Variants in PLEKHA7 observed in about 807,000 individuals in gnomAD.
PLEKHA7 encodes pleckstrin homology domain-containing family A member 7.
A neutral mutation model predicts 170.0 loss-of-function variants in PLEKHA7; 104 were observed. The observed-to-expected ratio is 0.61, with a 90% CI of 0.52 to 0.72. The LOEUF (loss-of-function observed/expected upper bound fraction) is 0.72. Ranked by LOEUF, PLEKHA7 falls within the 30% of genes least tolerant of loss-of-function variation. PLEKHA7 has a pLI of 0.00. For synonymous variants in PLEKHA7, 648 were observed against 660.8 expected (o/e 0.98, Z 0.30); for missense variants, 1,615 against 1,671.7 (o/e 0.97, Z 0.59).
At chr11:16,867,593 T>A (rs561615561) in intron 4 of PLEKHA7, among the ~76,000 whole-genome samples, 1 of 152,308 alleles carries the variant, frequency 6.6e-6, no homozygotes, top group African/African-American at 2.4e-5. Flanking sequence ...TTATAAAAAC[T>A]GTTTCTGTGA....
intron 6 of PLEKHA7, 143 bp downstream of exon 6, chr11:16,854,746 T>C (rs1312685872): frequency 7.4e-6 from 5 of 674,576 alleles, no homozygotes; most frequent in Non-Finnish European, 1.3e-5. Context: ...AATAATGCAG[T>C]GCAGCAGGTA....
At position 16,791,525 on chromosome 11, in the gene PLEKHA7, T is replaced by G. The variant is rs1306480585; in HGVS notation, c.2746-326A>C. ...AACTGCTCCCTCCGCTCATCTGGAG[T>G]GCACATCGCAGGCAGGCTGCTAACC... On this transcript the variant is annotated intron_variant, in intron 19 of 26. Transcript: ENST00000531066. This position sits in a 1 kb window ranked among gnomAD's most constrained non-coding sequence, Gnocchi z 4.5. 6 of 533,942 alleles carry G rather than the reference T, an allele frequency of 1.1e-5. No homozygotes were observed. Among genetic ancestry groups the G allele is most frequent in the Admixed American group, 2.2e-5 (1 of 44,730 alleles). The allele number at this position is 533,942 out of a possible 1,614,324, so 33.1% of individuals were successfully genotyped here.
chr11:16,947,075 T>A (rs975407661), intron 3 of PLEKHA7, among the ~76,000 whole-genome samples: 4 of 152,182 alleles, frequency 2.6e-5, no homozygotes, highest in African/African-American at 9.7e-5. Context: ...CTGGCATTTT[T>A]AAACACCTTT....
intron 3 of PLEKHA7, among the ~76,000 whole-genome samples, chr11:16,946,046 C>T (rs533570920): frequency 1.3e-5 from 2 of 152,358 alleles, no homozygotes; most frequent in South Asian, 4.1e-4. Flanking sequence ...CCTCCACTGT[C>T]GTTTCCTCCT....
At chr11:16,785,789 GCCC>G (rs761491874) in intron 24 of PLEKHA7, among the ~76,000 whole-genome samples, 19 of 152,202 alleles carry the variant, frequency 1.2e-4, no homozygotes, top group East Asian at 3.9e-4. Context: ...TTTCAAACCT[GCCC>G]CCCATTTTCC....
At chr11:16,839,810 T>A (rs1851810045) in intron 9 of PLEKHA7, among the ~76,000 whole-genome samples, 1 of 152,170 alleles carries the variant, frequency 6.6e-6, no homozygotes, top group Non-Finnish European at 1.5e-5. Context: ...GCACCAGTCC[T>A]CCATGGATAC....
intron 4 of PLEKHA7, among the ~76,000 whole-genome samples, chr11:16,867,930 GTCAA>G (rs771707062): frequency 5.3e-5 from 8 of 152,268 alleles, no homozygotes; most frequent in Non-Finnish European, 1.0e-4. Context: ...CCCTATCATA[GTCAA>G]TCAATCACCA....
At chr11:16,858,515 G>A (rs561220925) in intron 4 of PLEKHA7, among the ~76,000 whole-genome samples, 3 of 148,596 alleles carry the variant, frequency 2.0e-5, no homozygotes, top group East Asian at 2.0e-4. Flanking sequence ...TTTTTGAGAC[G>A]GAGTTTCGCT....
chr11:16,808,807 G>A (rs951668664), intron 13 of PLEKHA7, among the ~76,000 whole-genome samples: 1 of 152,196 alleles, frequency 6.6e-6, no homozygotes, highest in African/African-American at 2.4e-5. Context: ...ATAGGGTTCT[G>A]AAGAGCAGAA....
chr11:16,951,355 G>A (rs982147020), intron 3 of PLEKHA7, among the ~76,000 whole-genome samples: 1 of 150,614 alleles, frequency 6.6e-6, no homozygotes, highest in Non-Finnish European at 1.5e-5. Context: ...ACATCATGAC[G>A]ATGATGATGA....
chr11:17,006,931 T>C lies in PLEKHA7; in HGVS notation c.221+7058A>G, dbSNP rs1865033907. 3.9e-5 allele frequency among the ~76,000 whole-genome samples: 6 copies of C among 152,324 alleles called. 1 individual carries two copies. The South Asian group carries it at 1.2e-3, about 32-fold the overall frequency. ...TCCTTCACTCTCCAACTCCCTTTGA[T>C]TTCAGACTAAAAAATGGGTTGCTGA... On this transcript the variant is annotated intron_variant, in intron 3 of 26. Transcript: ENST00000531066.
chr11:16,973,704 C>T (rs1423538760), intron 3 of PLEKHA7, among the ~76,000 whole-genome samples: 2 of 152,134 alleles, frequency 1.3e-5, no homozygotes, highest in Non-Finnish European at 2.9e-5. Context: ...TATGATGGGC[C>T]CTATGCCTTG....
chr11:16,807,368 A>T (rs1849060594), intron 13 of PLEKHA7: 1 of 175,556 alleles, frequency 5.7e-6, no homozygotes. Flanking sequence ...CCAGGCCTGA[A>T]TCTTGGTGAT....
At chr11:16,976,813 G>A (rs1399689586) in intron 3 of PLEKHA7, among the ~76,000 whole-genome samples, 1 of 152,238 alleles carries the variant, frequency 6.6e-6, no homozygotes, top group Non-Finnish European at 1.5e-5. Flanking sequence ...ACCCAAGGCA[G>A]GGGATCATGC....
intron 3 of PLEKHA7, among the ~76,000 whole-genome samples, chr11:16,951,858 C>A (rs1861426443): frequency 6.6e-6 from 1 of 152,180 alleles, no homozygotes; most frequent in Admixed American, 6.5e-5. Context: ...AATACTCAAC[C>A]ATATCTAATT....
chr11:16,929,278 T>G (rs1400079186), intron 3 of PLEKHA7, among the ~76,000 whole-genome samples: 1 of 152,156 alleles, frequency 6.6e-6, no homozygotes, highest in Non-Finnish European at 1.5e-5. Context: ...GAAAATTATT[T>G]TTACATTTAC....
chr11:16,971,545 C>T (rs1862713064), intron 3 of PLEKHA7, among the ~76,000 whole-genome samples: 1 of 152,188 alleles, frequency 6.6e-6, no homozygotes, highest in Non-Finnish European at 1.5e-5. Context: ...ATAATGGAAG[C>T]TGTTATTACT....
At chr11:16,803,361 A>T in intron 13 of PLEKHA7, 66 bp from the exon 14 acceptor site, 1 of 1,506,102 alleles carries the variant, frequency 6.6e-7, no homozygotes, top group Non-Finnish European at 9.2e-7. Flanking sequence ...AGGAAAGAAA[A>T]TTCATCCTAT....
At chr11:16,854,012 G>A (rs1260920499) in intron 6 of PLEKHA7, among the ~76,000 whole-genome samples, 1 of 152,240 alleles carries the variant, frequency 6.6e-6, no homozygotes, top group African/African-American at 2.4e-5. Flanking sequence ...TGTGACAAGT[G>A]AGAGATATGC....
Sources: allele counts gnomAD v4.1 joint callset (sites outside exome capture counted in the v4.1 genomes callset), GRCh38; gene constraint gnomAD v4.1.1; non-coding constraint Gnocchi (gnomAD v3.1); transcripts MANE v1.5; gene names NCBI Gene and HGNC (gene_info 2026-07-23, HGNC 2026-07-21).